The following SECISBP2 variants were observed in gnomAD, a reference collection of about 807,000 sequenced individuals.
SECISBP2 encodes SECIS binding protein 2.
Under a neutral mutation model 98.2 loss-of-function variants are expected in SECISBP2, and 96 were observed. The ratio of observed to expected loss-of-function variants is 0.98; its 90% CI spans 0.83 to 1.16. The LOEUF (loss-of-function observed/expected upper bound fraction) is 1.16, where lower values mean the gene tolerates loss of function less well. SECISBP2 is among the 50% of genes most tolerant of loss of function. SECISBP2 has a pLI of 0.00. For synonymous variants in SECISBP2, 407 were observed against 370.2 expected (o/e 1.10, Z -1.14); for missense variants, 1,046 against 1,022.9 (o/e 1.02, Z -0.31).
At chr9:89,324,995 A>G in intron 2 of SECISBP2, 2 of 263,044 alleles carry the variant, frequency 7.6e-6, no homozygotes, top group Admixed American at 5.2e-5. Context: ...GCAGGATGTC[A>G]TGGTGGGCTT....
chr9:89,354,304 C>T (rs542995431), intron 14 of SECISBP2, among the ~76,000 whole-genome samples: 1 of 152,198 alleles, frequency 6.6e-6, no homozygotes, highest in African/African-American at 2.4e-5. Context: ...GTACTTTCAG[C>T]TGTGACTTAC....
intron 4 of SECISBP2, among the ~76,000 whole-genome samples, chr9:89,328,201 T>C (rs931846366): frequency 6.6e-6 from 1 of 152,250 alleles, no homozygotes; most frequent in African/African-American, 2.4e-5. Flanking sequence ...CCGAGTATTA[T>C]GTACAGTACA....
Position 89,350,900 on chromosome 9 carries a change from C to T in SECISBP2, c.2113+48C>T, listed in dbSNP as rs1409780400. 6 of 1,475,008 alleles carry T rather than the reference C, an allele frequency of 4.1e-6. No homozygotes were observed. In the African/African-American group the frequency reaches 8.3e-5, roughly 20 times the overall value. The allele number at this position is 1,475,008 out of a possible 1,614,324, so 91.4% of individuals were successfully genotyped here. ...TGATATGTGGGCCCCTGCATGAGTG[C>T]CTAGTGTGCCCTCGTGTTTGCCACA... On this transcript the variant is annotated intron_variant, in intron 14 of 16. Coordinates refer to ENST00000375807, the MANE Select transcript of SECISBP2 (RefSeq NM_024077.5).
At chr9:89,362,496 T>C, downstream of SECISBP2, 2 of 1,613,746 alleles carry the variant, frequency 1.2e-6, no homozygotes. Flanking sequence ...TGCAGCCCAG[T>C]CTGTCTCATA....
At chr9:89,363,203 CTT>C (rs534165902), downstream of SECISBP2, among the ~76,000 whole-genome samples, 21 of 152,374 alleles carry the variant, frequency 1.4e-4, no homozygotes, top group East Asian at 5.8e-4. Flanking sequence ...CCTTCAGTCT[CTT>C]TTAAGGGCTG....
At chr9:89,362,361 T>C (rs1832824627), downstream of SECISBP2, 2 of 1,613,878 alleles carry the variant, frequency 1.2e-6, no homozygotes, top group African/African-American at 1.3e-5. Context: ...AGCAGGGTCT[T>C]GTTGGGGTTG....
intron 4 of SECISBP2, among the ~76,000 whole-genome samples, chr9:89,327,962 C>T (rs1181733161): frequency 2.0e-5 from 3 of 152,170 alleles, no homozygotes; most frequent in Admixed American, 6.5e-5. Flanking sequence ...TGCGCCCCCA[C>T]ACCCAGCTAA....
chr9:89,319,616 G>A, intron 1 of SECISBP2, 36 bp from the exon 2 acceptor site: 1 of 1,612,792 alleles, frequency 6.2e-7, no homozygotes, highest in Non-Finnish European at 8.5e-7. Context: ...CTTGATCTCT[G>A]AATGTTTGTG....
Position 89,355,400 on chromosome 9 carries a change from T to C in SECISBP2, c.2114-2011T>C, listed in dbSNP as rs879396894. Reference sequence around the variant, plus strand: ...GTGGTGTGAGCATCCTCTCCAGGAGTTTTTATTAGCAGTTTTCTTATGAGG... The same window carrying C: ...GTGGTGTGAGCATCCTCTCCAGGAGCTTTTATTAGCAGTTTTCTTATGAGG... On this transcript the variant is annotated intron_variant, in intron 14 of 16. Coordinates refer to ENST00000375807, the MANE Select transcript of SECISBP2 (RefSeq NM_024077.5). The C allele has an allele frequency of 4.1e-6, 4 of 984,566 alleles. No individual in the cohort carries two copies. In the Admixed American group the frequency reaches 2.5e-4, roughly 61 times the overall value. 61.0% of individuals were successfully genotyped at this position (984,566 alleles called of 1,614,324 possible). A position where few individuals can be genotyped will look rare whatever the true frequency, so the allele number is the denominator to read the frequency against.
chr9:89,341,568 T>C, intron 10 of SECISBP2, 89 bp downstream of exon 10: 1 of 1,467,106 alleles, frequency 6.8e-7, no homozygotes, highest in Non-Finnish European at 9.5e-7. Context: ...TATCAAAAGT[T>C]ATTTATAGAT....
chr9:89,363,977 T>C, downstream of SECISBP2: 1 of 1,613,946 alleles, frequency 6.2e-7, no homozygotes, highest in Non-Finnish European at 8.5e-7. Context: ...TTTCCACCTC[T>C]GAGTCCACAT....
chr9:89,363,458 C>T (rs759906095), downstream of SECISBP2: 51 of 1,613,780 alleles, frequency 3.2e-5, no homozygotes, highest in African/African-American at 1.1e-4. Flanking sequence ...CTGCATCATC[C>T]GGTCGTGCTC....
intron 2 of SECISBP2, chr9:89,324,437 A>C (rs1201701425): frequency 6.6e-6 from 1 of 152,240 alleles, no homozygotes; most frequent in African/African-American, 2.4e-5. Flanking sequence ...AGAATATATG[A>C]TTAAGTACTG....
Position 89,334,543 on chromosome 9 carries a change from G to T in SECISBP2, c.902G>T (p.Gly301Val), listed in dbSNP as rs766214043. 6.2e-7 allele frequency: 1 copy of T among 1,614,002 alleles called. No homozygotes were observed. The highest frequency in any genetic ancestry group is 1.3e-5 in the African/African-American group (1 of 74,932). The change falls in exon 7 of 17, where the codon GGT (glycine) becomes GTT (valine). Residue 301 changes from glycine to valine, a missense_variant. Gly to Val is a moderately radical substitution (Grantham distance 109). Coordinates refer to ENST00000375807, the MANE Select transcript of SECISBP2 (RefSeq NM_024077.5). ...CTRELSWTPM[G>V]YVVRQTLSTE... Reference sequence around the variant, plus strand: ...GCAGAGTTATCTTGGACACCAATGGGTTATGTTGTTCGACAGACATTATCT... The same window carrying T: ...GCAGAGTTATCTTGGACACCAATGGTTTATGTTGTTCGACAGACATTATCT...
chr9:89,355,763 A>G (rs923144749), intron 14 of SECISBP2: 3 of 171,174 alleles, frequency 1.8e-5, no homozygotes, highest in African/African-American at 2.4e-5. Flanking sequence ...ATGTTTAGGT[A>G]GGATTTATTG....
At chr9:89,322,848 A>T (rs41304242) in intron 2 of SECISBP2, 1 of 152,342 alleles carries the variant, frequency 6.6e-6, no homozygotes, top group Non-Finnish European at 1.5e-5. Flanking sequence ...CTGTCAGTAG[A>T]TTGGAAGCCT....
At position 89,348,153 on chromosome 9, in the gene SECISBP2, T is replaced by G; in HGVS notation, c.1677T>G (p.Asp559Glu). Residue 559 changes from aspartate (D) to glutamate (E), a missense_variant, in exon 12 of 17, where the codon GAT becomes GAG. By Grantham distance (45) the Asp-to-Glu change is conservative. Transcript: ENST00000375807. ...CTGTGAGTCCAGCTTTTACCAGTGATGACACACAAGATGGAGAGAGTGGTG... is the reference window on the plus strand; with the variant it reads ...CTGTGAGTCCAGCTTTTACCAGTGAGGACACACAAGATGGAGAGAGTGGTG... ...ENAVSPAFTS[D>E]DTQDGESGGD... is the part of the protein sequence containing the mutation. 1 of 1,614,174 alleles carries G rather than the reference T, an allele frequency of 6.2e-7. No individual in the cohort carries two copies. The highest frequency in any genetic ancestry group is 8.5e-7 in the Non-Finnish European group (1 of 1,179,978).
chr9:89,334,778 C>A, intron 7 of SECISBP2, 48 bp downstream of exon 7: 1 of 1,375,552 alleles, frequency 7.3e-7, no homozygotes, highest in South Asian at 1.2e-5. Context: ...GCCAGGGGCT[C>A]AGTAGAGTGG....
intron 14 of SECISBP2, among the ~76,000 whole-genome samples, chr9:89,354,486 T>C (rs1484113556): frequency 6.6e-6 from 1 of 152,030 alleles, no homozygotes. Context: ...CTACCAGGGG[T>C]GCTCATTAGA....
Sources: gnomAD v4.1 joint callset for allele counts (sites outside exome capture counted in the v4.1 genomes callset) on GRCh38, gnomAD v4.1.1 for gene constraint, MANE v1.5 for transcripts, NCBI Gene and HGNC (gene_info 2026-07-23, HGNC 2026-07-21) for gene names.